DMRT1: variants seen among roughly 807,000 people sequenced by gnomAD.
DMRT1 encodes doublesex and mab-3 related transcription factor 1, also known as doublesex- and mab-3-related transcription factor 1.
In DMRT1, 7 loss-of-function variants were observed where a neutral mutation model predicts 32.3. The observed-to-expected ratio is 0.22, with a 90% CI of 0.12 to 0.41. The LOEUF is 0.41. Among genes scored for constraint, DMRT1 ranks in the 10% least tolerant of loss-of-function variants. The pLI, the probability that DMRT1 is intolerant of heterozygous loss-of-function variation, is 1.00. For synonymous variants in DMRT1, 278 were observed against 206.1 expected (o/e 1.35, Z -2.99); for missense variants, 625 against 500.5 (o/e 1.25, Z -2.37).
chr9:925,432 A>T (rs909259808), intron 4 of DMRT1, among the ~76,000 whole-genome samples: 2 of 152,002 alleles, frequency 1.3e-5, no homozygotes, highest in African/African-American at 4.8e-5. Context: ...TCTATGTGTG[A>T]CTGGTATTTT....
intron 2 of DMRT1, among the ~76,000 whole-genome samples, chr9:862,903 G>C (rs10815912): frequency 0.53 from 79,881 of 151,836 alleles, 21,700 homozygotes; most frequent in East Asian, 0.65. Flanking sequence ...AACCTGTGAA[G>C]TTGGTACCTT....
intron 2 of DMRT1, among the ~76,000 whole-genome samples, chr9:893,498 TA>T (rs796899877): frequency 3.4e-4 from 52 of 152,386 alleles, no homozygotes; most frequent in African/African-American, 1.2e-3. Flanking sequence ...TAAATTCACC[TA>T]AACTCTTGGC....
chr9:841,953 G>T lies in DMRT1; in HGVS notation c.115G>T (p.Val39Leu). 1.3e-6 allele frequency: 2 copies of T among 1,598,170 alleles called. No individual in the cohort carries two copies. Among genetic ancestry groups the T allele is most frequent in the Non-Finnish European group, 8.5e-7 (1 of 1,173,030 alleles). ...GGFGKASGALVGAASGSSAGG... is the reference protein window; with the variant it reads ...GGFGKASGALLGAASGSSAGG... ...CTTTGGCAAAGCGTCTGGGGCGCTAGTGGGGGCGGCCAGCGGCTCGAGCGC... is the reference window on the plus strand; with the variant it reads ...CTTTGGCAAAGCGTCTGGGGCGCTATTGGGGGCGGCCAGCGGCTCGAGCGC... Residue 39 changes from valine (V) to leucine (L), a missense_variant, in exon 1 of 5, where the codon GTG (valine) becomes TTG (leucine). By Grantham distance (32) the Val-to-Leu change is conservative. Coordinates refer to ENST00000382276, the MANE Select transcript of DMRT1 (RefSeq NM_021951.3).
chr9:870,241 T>C (rs991781000), intron 2 of DMRT1, among the ~76,000 whole-genome samples: 1 of 151,972 alleles, frequency 6.6e-6, no homozygotes, highest in Non-Finnish European at 1.5e-5. Flanking sequence ...CTACTAAAAA[T>C]ACAAAAAATT....
Position 842,042 on chromosome 9 carries a change from G to A in DMRT1, c.204G>A (p.Lys68=), listed in dbSNP as rs1041963561. The A allele has an allele frequency of 1.2e-5, 19 of 1,546,312 alleles. 1 individual carries two copies. The highest frequency in any genetic ancestry group is 1.2e-4 in the Admixed American group (6 of 51,312). The change falls in exon 1 of 5, where the codon AAG becomes AAA. Residue 68 remains lysine (K), a synonymous_variant. Transcript: ENST00000382276. ...CGTCGGACCTGGGTGCCGGGAGCAA[G>A]AAGTCCCCGCGGCTGCCCAAGTGCG... ...SGASDLGAGS[K]KSPRLPKCAR...
chr9:942,033 A>G (rs1819091300), intron 4 of DMRT1, among the ~76,000 whole-genome samples: 2 of 152,220 alleles, frequency 1.3e-5, no homozygotes, highest in Admixed American at 1.3e-4. Context: ...ATGGTTATGT[A>G]TAACATGAAA....
At chr9:883,490 C>T (rs998221323) in intron 2 of DMRT1, among the ~76,000 whole-genome samples, 5 of 151,888 alleles carry the variant, frequency 3.3e-5, no homozygotes, top group African/African-American at 1.2e-4. Flanking sequence ...GCATTAACTC[C>T]CCCGACCCCC....
At chr9:905,625 C>G (rs1200468253) in intron 3 of DMRT1, among the ~76,000 whole-genome samples, 1 of 152,050 alleles carries the variant, frequency 6.6e-6, no homozygotes, top group Non-Finnish European at 1.5e-5. Flanking sequence ...GAAGAGGAGT[C>G]TTTCATTGCG....
At chr9:857,072 T>C (rs548281962) in intron 2 of DMRT1, among the ~76,000 whole-genome samples, 1 of 152,188 alleles carries the variant, frequency 6.6e-6, no homozygotes, top group South Asian at 2.1e-4. Context: ...CCCAGCACTT[T>C]GGGAGGCCGA....
At chr9:866,089 A>C (rs181249105) in intron 2 of DMRT1, among the ~76,000 whole-genome samples, 2 of 142,682 alleles carry the variant, frequency 1.4e-5, no homozygotes, top group East Asian at 4.5e-4. Context: ...GCTTGAACCC[A>C]AGAGGCAGCA....
At chr9:908,649 A>G (rs146883939) in intron 3 of DMRT1, among the ~76,000 whole-genome samples, 1 of 151,632 alleles carries the variant, frequency 6.6e-6, no homozygotes, top group East Asian at 2.0e-4. Flanking sequence ...CTACTGTAAT[A>G]CAAACTTTCC....
intron 4 of DMRT1, among the ~76,000 whole-genome samples, chr9:952,329 T>C (rs368493860): frequency 1.6e-4 from 24 of 152,290 alleles, no homozygotes; most frequent in African/African-American, 5.3e-4. Context: ...GGACTAACAG[T>C]AGTCATTGTT....
intron 2 of DMRT1, among the ~76,000 whole-genome samples, chr9:848,513 G>A (rs890085050): frequency 2.0e-5 from 3 of 149,720 alleles, no homozygotes; most frequent in Admixed American, 1.3e-4. Flanking sequence ...GCTGCTCATA[G>A]TATGTCCTTA....
At chr9:914,152 C>G (rs1818088629) in intron 3 of DMRT1, among the ~76,000 whole-genome samples, 1 of 152,268 alleles carries the variant, frequency 6.6e-6, no homozygotes, top group East Asian at 1.9e-4. Context: ...ATGATTGTCC[C>G]TTTTCTCTTA....
chr9:894,008 G>C lies in DMRT1; in HGVS notation c.635G>C (p.Ser212Thr). 1 of 1,614,236 alleles carries C rather than the reference G, an allele frequency of 6.2e-7. No homozygotes were observed. The highest frequency in any genetic ancestry group is 8.5e-7 in the Non-Finnish European group (1 of 1,180,038). The change falls in exon 3 of 5, where the codon AGC (serine) becomes ACC (threonine). Residue 212 changes from serine to threonine, a missense_variant. Ser to Thr is a moderately conservative substitution (Grantham distance 58). Transcript: ENST00000382276. ...DLVSDSTYYS[S>T]FYQPSLFPYY... Reference sequence around the variant, plus strand: ...GTTTCAGACTCCACCTACTACAGCAGCTTCTACCAGCCGTCTCTGTTTCCT... The same window carrying C: ...GTTTCAGACTCCACCTACTACAGCACCTTCTACCAGCCGTCTCTGTTTCCT...
At chr9:853,138 G>A (rs1209951512) in intron 2 of DMRT1, among the ~76,000 whole-genome samples, 1 of 152,070 alleles carries the variant, frequency 6.6e-6, no homozygotes, top group Non-Finnish European at 1.5e-5. Flanking sequence ...AAGGTACGGA[G>A]ATTTTTTTTA....
chr9:871,014 G>T (rs115005718), intron 2 of DMRT1, among the ~76,000 whole-genome samples: 1,631 of 151,892 alleles, frequency 0.011, 31 homozygotes, highest in African/African-American at 0.038. Context: ...ATACATTCAA[G>T]CCTTTTAAAA....
intron 4 of DMRT1, among the ~76,000 whole-genome samples, chr9:921,320 T>A (rs1316668182): frequency 1.3e-5 from 2 of 152,244 alleles, no homozygotes; most frequent in Non-Finnish European, 2.9e-5. Flanking sequence ...GATCAGTATT[T>A]CATTCGTTTT....
At chr9:936,685 C>T (rs1248496247) in intron 4 of DMRT1, among the ~76,000 whole-genome samples, 4 of 143,246 alleles carry the variant, frequency 2.8e-5, no homozygotes, top group African/African-American at 5.3e-5. Context: ...ACCTGGGAGG[C>T]GGAAATTGCA....
Sources: allele counts gnomAD v4.1 joint callset (sites outside exome capture counted in the v4.1 genomes callset), GRCh38; gene constraint gnomAD v4.1.1; transcripts MANE v1.5; gene names NCBI Gene and HGNC (gene_info 2026-07-23, HGNC 2026-07-21).